Variants in LRRC49 observed in about 807,000 individuals in gnomAD.
LRRC49 encodes the protein leucine rich repeat containing 49.
LRRC49 carries 50 observed loss-of-function variants against 83.3 expected under a neutral mutation model. The ratio of observed to expected loss-of-function variants is 0.60; its 90% CI spans 0.48 to 0.76. The LOEUF is 0.76. Among genes scored for constraint, LRRC49 ranks in the 30% least tolerant of loss-of-function variants. The pLI, the probability that LRRC49 is intolerant of heterozygous loss-of-function variation, is 0.00. For missense variants in LRRC49, 704 were observed against 809.1 expected, an observed-to-expected ratio of 0.87 and a Z score of 1.58; for synonymous variants, 286 against 283.3, an observed-to-expected ratio of 1.01 and a Z score of -0.10.
At chr15:70,994,177 A>G (rs1266574669) in intron 11 of LRRC49, among the ~76,000 whole-genome samples, 1 of 152,168 alleles carries the variant, frequency 6.6e-6, no homozygotes, top group African/African-American at 2.4e-5. Context: ...AATGTTAGAT[A>G]AGGGTCTAAC....
chr15:70,955,102 A>G (rs1438751931), intron 8 of LRRC49, among the ~76,000 whole-genome samples: 1 of 152,128 alleles, frequency 6.6e-6, no homozygotes, highest in Non-Finnish European at 1.5e-5. Context: ...CTGGCTGGAA[A>G]TGCCGCAGGC....
chr15:70,914,502 C>T (rs1395628142), intron 6 of LRRC49, among the ~76,000 whole-genome samples: 1 of 152,006 alleles, frequency 6.6e-6, no homozygotes, highest in Non-Finnish European at 1.5e-5. Context: ...TTGGGAGAAA[C>T]TAATTACAAT....
At chr15:70,974,084 G>A (rs911958869) in intron 9 of LRRC49, among the ~76,000 whole-genome samples, 27 of 151,944 alleles carry the variant, frequency 1.8e-4, no homozygotes, top group African/African-American at 6.5e-4. Flanking sequence ...CCGAGATCGC[G>A]CCACTGCACT....
chr15:70,998,782 T>C (rs2038161214), intron 11 of LRRC49, among the ~76,000 whole-genome samples: 1 of 145,650 alleles, frequency 6.9e-6, no homozygotes, highest in East Asian at 2.0e-4. Context: ...CTTTTTTTTT[T>C]CTCTCATGTC....
At chr15:71,046,045 T>A (rs149894686) in intron 15 of LRRC49, among the ~76,000 whole-genome samples, 106 of 152,344 alleles carry the variant, frequency 7.0e-4, no homozygotes, top group African/African-American at 2.4e-3. Context: ...TATGGCTATG[T>A]AGTTACTATT....
chr15:70,858,842 G>T, intron 1 of LRRC49: 1 of 779,624 alleles, frequency 1.3e-6, no homozygotes. Context: ...GTGGGCAGCA[G>T]CAGCTTCTGG....
At chr15:70,858,881 G>C in intron 1 of LRRC49, 2 of 762,372 alleles carry the variant, frequency 2.6e-6, no homozygotes, top group Non-Finnish European at 4.8e-6. Flanking sequence ...TGGGTGGTGG[G>C]GCCAGTGGTA....
intron 9 of LRRC49, among the ~76,000 whole-genome samples, chr15:70,975,568 C>G (rs2037175196): frequency 6.6e-6 from 1 of 152,060 alleles, no homozygotes; most frequent in African/African-American, 2.4e-5. Context: ...AGGCACACGC[C>G]TGTAGTACCA....
Position 70,860,061 on chromosome 15 carries a change from G to A in LRRC49, c.-299+6592G>A. On this transcript the variant is annotated intron_variant, in intron 1 of 16. Coordinates refer to the LRRC49 transcript ENST00000544974. ...AGCTTTGGCTCTGGCGCAGGCTCCA[G>A]CTCCTTCAGCCGCACCGGCTCCACC... 4 of 735,678 alleles carry A rather than the reference G, an allele frequency of 5.4e-6. No homozygotes were observed. In the East Asian group the frequency reaches 7.4e-5, roughly 14 times the overall value. 45.6% of individuals were successfully genotyped at this position (735,678 alleles called of 1,614,324 possible).
chr15:70,972,265 A>G (rs946529407), intron 9 of LRRC49, among the ~76,000 whole-genome samples: 1 of 152,166 alleles, frequency 6.6e-6, no homozygotes, highest in Non-Finnish European at 1.5e-5. Context: ...CTGGATATGA[A>G]ATTCTGGGTT....
chr15:71,047,972 C>T (rs2141315103), intron 15 of LRRC49, among the ~76,000 whole-genome samples: 1 of 151,914 alleles, frequency 6.6e-6, no homozygotes, highest in East Asian at 1.9e-4. Context: ...GATGGGGTTT[C>T]ACCATGCTGG....
At chr15:71,029,621 G>A (rs2039285531) in intron 14 of LRRC49, among the ~76,000 whole-genome samples, 2 of 152,150 alleles carry the variant, frequency 1.3e-5, no homozygotes, top group Admixed American at 1.3e-4. Flanking sequence ...ACAGTGGGCT[G>A]TTAAAGTCTC....
intron 2 of LRRC49, among the ~76,000 whole-genome samples, chr15:70,873,807 A>G (rs544198128): frequency 2.5e-4 from 38 of 152,346 alleles, no homozygotes; most frequent in Middle Eastern, 3.4e-3. Context: ...CTAATGTCCT[A>G]TTGGTGAAAG....
intron 9 of LRRC49, among the ~76,000 whole-genome samples, chr15:70,977,508 G>A (rs901059583): frequency 4.6e-5 from 7 of 152,100 alleles, no homozygotes; most frequent in Non-Finnish European, 1.0e-4. Flanking sequence ...AGCCTGGCAT[G>A]GTGGCACATG....
intron 1 of LRRC49, chr15:70,854,200 G>GC (rs2032585624): frequency 1.4e-6 from 1 of 736,632 alleles, no homozygotes; most frequent in Non-Finnish European, 1.8e-6. Context: ...CTGCCGCTCG[G>GC]CCCAGGGGAG....
chr15:70,918,952 A>C, intron 6 of LRRC49, 98 bp from the exon 7 acceptor site: 1 of 957,608 alleles, frequency 1.0e-6, no homozygotes, highest in Non-Finnish European at 1.5e-6. Context: ...CTTGCCACTA[A>C]ATCTAGTGAC....
Position 70,984,151 on chromosome 15 carries a change from CG to C in LRRC49, c.1064del (p.Arg355GlnfsTer2). 1 of 1,479,624 alleles carries C rather than the reference CG, an allele frequency of 6.8e-7. No individual in the cohort carries two copies. The highest frequency in any genetic ancestry group is 9.4e-7 in the Non-Finnish European group (1 of 1,060,566). 91.7% of individuals were successfully genotyped at this position (1,479,624 alleles called of 1,614,324 possible). On this transcript the variant is annotated frameshift_variant, in exon 11 of 16. Transcript: ENST00000260382. LOFTEE classifies it high-confidence loss of function. ...TCGACAGTGGGACTTGCAACAACAACGAGTAGCCAATATTGCTACAAATGAA... is the reference window on the plus strand; with the variant it reads ...TCGACAGTGGGACTTGCAACAACAACAGTAGCCAATATTGCTACAAATGAA... ...VARQWDLQQQRVANIATNEDR... is the reference protein window; with the variant it reads ...VARQWDLQQQXVANIATNEDR...
intron 2 of LRRC49, among the ~76,000 whole-genome samples, chr15:70,886,738 C>T (rs1474780760): frequency 6.6e-6 from 1 of 152,104 alleles, no homozygotes; most frequent in African/African-American, 2.4e-5. Context: ...CGGTGGCAGG[C>T]ACCTGTAATC....
intron 2 of LRRC49, among the ~76,000 whole-genome samples, chr15:70,885,969 T>C (rs534078668): frequency 4.3e-4 from 66 of 152,296 alleles, no homozygotes; most frequent in Non-Finnish European, 8.5e-4. Context: ...ATTAAGTCCA[T>C]ATATTGCATT....
Sources: allele counts gnomAD v4.1 joint callset (sites outside exome capture counted in the v4.1 genomes callset), GRCh38; gene constraint gnomAD v4.1.1; transcripts MANE v1.5; gene names NCBI Gene and HGNC (gene_info 2026-07-23, HGNC 2026-07-21).